Variants in ZYG11A observed in about 807,000 individuals in gnomAD.
ZYG11A encodes zyg-11 family member A, cell cycle regulator, also known as protein zyg-11 homolog A.
Under a neutral mutation model 77.2 loss-of-function variants are expected in ZYG11A, and 62 were observed. The ratio of observed to expected loss-of-function variants is 0.80; its 90% CI spans 0.65 to 0.99. The LOEUF (loss-of-function observed/expected upper bound fraction) is 0.99, where lower values mean the gene tolerates loss of function less well. Among genes scored for constraint, ZYG11A ranks in the 50% least tolerant of loss-of-function variants. The pLI is 0.00. For missense variants in ZYG11A, 828 were observed against 896.8 expected (o/e 0.92, Z 0.98); for synonymous variants, 315 against 324.6 (o/e 0.97, Z 0.32).
chr1:52,888,355 ATGTT>A (rs1017684241), intron 13 of ZYG11A, among the ~76,000 whole-genome samples: 1 of 152,120 alleles, frequency 6.6e-6, no homozygotes, highest in Non-Finnish European at 1.5e-5. Context: ...ACTAACAAAA[ATGTT>A]TGTTTGTTTT....
At chr1:52,865,425 T>C (rs144993788) in intron 5 of ZYG11A, among the ~76,000 whole-genome samples, 127 of 152,312 alleles carry the variant, frequency 8.3e-4, no homozygotes, top group African/African-American at 3.0e-3. Flanking sequence ...TCTTTAGGAA[T>C]TAAATATACA....
At chr1:52,875,811 A>G (rs1032803493) in intron 8 of ZYG11A, among the ~76,000 whole-genome samples, 11 of 151,004 alleles carry the variant, frequency 7.3e-5, no homozygotes, top group African/African-American at 2.7e-4. Context: ...AAATGCAAGT[A>G]GGTTGGTAGC....
intron 1 of ZYG11A, among the ~76,000 whole-genome samples, chr1:52,848,828 C>T (rs1251743345): frequency 6.6e-6 from 1 of 152,168 alleles, no homozygotes; most frequent in Non-Finnish European, 1.5e-5. Context: ...GATCATGCTA[C>T]TGCACTGCAG....
intron 10 of ZYG11A, among the ~76,000 whole-genome samples, chr1:52,878,961 A>C (rs1248021528): frequency 2.7e-5 from 4 of 148,414 alleles, no homozygotes; most frequent in Non-Finnish European, 6.0e-5. Context: ...AAAAAAAAAA[A>C]AAAAAAAAAA....
intron 8 of ZYG11A, among the ~76,000 whole-genome samples, chr1:52,875,160 A>G (rs111252162): frequency 0.016 from 2,410 of 152,300 alleles, 30 homozygotes; most frequent in Non-Finnish European, 0.025. Flanking sequence ...CCATCATATC[A>G]AATACTACTG....
chr1:52,881,833 G>T (rs1190439827), intron 11 of ZYG11A, 168 bp downstream of exon 11: 3 of 524,856 alleles, frequency 5.7e-6, no homozygotes, highest in African/African-American at 3.9e-5. Context: ...ACATTTTGTT[G>T]CATATGACTT....
Position 52,881,632 on chromosome 1 carries a change from T to C in ZYG11A, c.1911T>C (p.Arg637=). 6.4e-7 allele frequency: 1 copy of C among 1,552,322 alleles called. No homozygotes were observed. The change falls in exon 11 of 14, where the codon CGT becomes CGC. Residue 637 remains arginine (R), a synonymous_variant. Transcript: ENST00000371528. Reference sequence around the variant, plus strand: ...CTGACAGACAGCTTTGGATATCCCGTGACTTCCAGAGGCGTACTCTTCTCC... The same window carrying C: ...CTGACAGACAGCTTTGGATATCCCGCGACTTCCAGAGGCGTACTCTTCTCC... ...LTSDRQLWIS[R]DFQRRTLLQD...
intron 1 of ZYG11A, among the ~76,000 whole-genome samples, chr1:52,850,756 GTGTATTT>G (rs1645693945): frequency 6.6e-6 from 1 of 152,118 alleles, no homozygotes; most frequent in Non-Finnish European, 1.5e-5. Flanking sequence ...GTCTGGCCTG[GTGTATTT>G]TTTCAACTCT....
chr1:52,867,478 C>G, intron 6 of ZYG11A, 61 bp from the exon 7 acceptor site: 2 of 1,110,578 alleles, frequency 1.8e-6, no homozygotes, highest in Non-Finnish European at 2.7e-6. Context: ...CAAATGATTT[C>G]TTCTGTGTAG....
At chr1:52,854,875 T>TG (rs1010706892) in intron 2 of ZYG11A, among the ~76,000 whole-genome samples, 10 of 151,524 alleles carry the variant, frequency 6.6e-5, no homozygotes, top group African/African-American at 2.4e-4. Context: ...CTAGCTTTGT[T>TG]TTTTTTTTTG....
chr1:52,864,088 T>C lies in ZYG11A; in HGVS notation c.1257T>C (p.Pro419=), dbSNP rs1427521667. 1.3e-6 allele frequency: 2 copies of C among 1,551,982 alleles called. No individual in the cohort carries two copies. The highest frequency in any genetic ancestry group is 8.7e-7 in the Non-Finnish European group (1 of 1,147,056). The stretch of plus-strand genomic sequence containing the variant: ...GCCAGGGCCTGGCCAAGGGGATGCC[T>C]GTTCGCCTGTTGTCAGAGGTCACCT... The part of the protein sequence containing the change: ...LTRQGLAKGM[P]VRLLSEVTCL... The change falls in exon 5 of 14, where the codon CCT becomes CCC. Residue 419 remains proline (P), a synonymous_variant. Coordinates refer to ENST00000371528, the MANE Select transcript of ZYG11A (RefSeq NM_001004339.3).
chr1:52,864,886 C>T (rs545803431), intron 5 of ZYG11A, among the ~76,000 whole-genome samples: 1 of 151,428 alleles, frequency 6.6e-6, no homozygotes, highest in African/African-American at 2.4e-5. Flanking sequence ...CTCCTGACCT[C>T]ATGATCTGCC....
In ZYG11A at chr1:52,864,158, G is replaced by A; in HGVS notation, c.1326+1G>A. ...GAAAAATTTCCCCCATTACCAGCAGGTAATTTCAATTGAATATTTGTTTGT... is the reference window on the plus strand; with the variant it reads ...GAAAAATTTCCCCCATTACCAGCAGATAATTTCAATTGAATATTTGTTTGT... On this transcript the variant is annotated splice_donor_variant, in intron 5 of 13. Transcript: ENST00000371528. LOFTEE classifies it high-confidence loss of function. 1 of 1,551,090 alleles carries A rather than the reference G, an allele frequency of 6.4e-7. No individual in the cohort carries two copies. The highest frequency in any genetic ancestry group is 8.7e-7 in the Non-Finnish European group (1 of 1,146,764).
At chr1:52,868,597 TGGTGA>T in intron 8 of ZYG11A, among the ~76,000 whole-genome samples, 1 of 152,038 alleles carries the variant, frequency 6.6e-6, no homozygotes, top group East Asian at 2.0e-4. Context: ...TTGGACAACG[TGGTGA>T]AACCCCGTCT....
intron 11 of ZYG11A, 138 bp from the exon 12 acceptor site, chr1:52,885,695 G>GTA: frequency 1.6e-6 from 1 of 633,160 alleles, no homozygotes; most frequent in East Asian, 2.8e-5. Flanking sequence ...GATATTGTGT[G>GTA]TATATAATCG....
chr1:52,872,882 C>CAAAAAAAAAAAAAA (rs59422649), intron 8 of ZYG11A, among the ~76,000 whole-genome samples: 1 of 112,170 alleles, frequency 8.9e-6, no homozygotes, highest in Non-Finnish European at 1.7e-5. Context: ...GACTCTGTCT[C>CAAAAAAAAAAAAAA]AAAAAAAAAA....
chr1:52,892,783 C>A lies in ZYG11A; in HGVS notation c.2106C>A (p.Pro702=). The change falls in exon 14 of 14, where the codon CCC becomes CCA. Residue 702 remains proline (P), a splice_region_variant and synonymous_variant. Coordinates refer to ENST00000371528, the MANE Select transcript of ZYG11A (RefSeq NM_001004339.3). The stretch of plus-strand genomic sequence containing the variant: ...TGTCTCTGCTTGATTTTCTTTCAGC[C>A]AGCAAATACTGCAAAATGTTAGTTG... ...WAMYHVCSKN[P]SKYCKMLVEE... is the part of the protein sequence containing the mutation. The A allele has an allele frequency of 6.4e-7, 1 of 1,551,390 alleles. No individual in the cohort carries two copies. Among genetic ancestry groups the A allele is most frequent in the Non-Finnish European group, 8.7e-7 (1 of 1,146,890 alleles).
At chr1:52,880,475 T>C (rs981601595) in intron 10 of ZYG11A, among the ~76,000 whole-genome samples, 4 of 152,182 alleles carry the variant, frequency 2.6e-5, no homozygotes, top group Non-Finnish European at 5.9e-5. Flanking sequence ...TGACATCCCC[T>C]ACCCTTGAGT....
intron 1 of ZYG11A, among the ~76,000 whole-genome samples, chr1:52,848,714 A>C (rs1645647364): frequency 1.3e-5 from 2 of 152,100 alleles, no homozygotes; most frequent in African/African-American, 4.8e-5. Flanking sequence ...TAAATATACA[A>C]AAATTAGCCA....
Sources: allele counts gnomAD v4.1 joint callset (sites outside exome capture counted in the v4.1 genomes callset), GRCh38; gene constraint gnomAD v4.1.1; transcripts MANE v1.5; gene names NCBI Gene and HGNC (gene_info 2026-07-23, HGNC 2026-07-21).